The following NCOA5 variants were observed in gnomAD, a reference collection of about 807,000 sequenced individuals.
NCOA5 encodes the protein nuclear receptor coactivator 5.
NCOA5 carries 12 observed loss-of-function variants against 59.0 expected under a neutral mutation model. The observed-to-expected ratio is 0.20, with a 90% CI of 0.13 to 0.33. The LOEUF (loss-of-function observed/expected upper bound fraction) is 0.33, where lower values mean the gene tolerates loss of function less well. Among genes scored for constraint, NCOA5 ranks in the 10% least tolerant of loss-of-function variants. The pLI is 1.00. For missense variants in NCOA5, 655 were observed against 766.6 expected (o/e 0.85, Z 1.72); for synonymous variants, 270 against 275.5 (o/e 0.98, Z 0.20).
At chr20:46,086,759 C>A (rs756846104) in intron 1 of NCOA5, among the ~76,000 whole-genome samples, 3 of 152,186 alleles carry the variant, frequency 2.0e-5, no homozygotes, top group Non-Finnish European at 4.4e-5. Context: ...CCACAAGGTA[C>A]AGAGAGGAAA....
chr20:46,074,402 C>T (rs2084914590), intron 2 of NCOA5, among the ~76,000 whole-genome samples: 1 of 152,134 alleles, frequency 6.6e-6, no homozygotes. Context: ...AGGTGTTTTA[C>T]TAAAGGAACC....
At position 46,062,786 on chromosome 20, in the gene NCOA5, T is replaced by G; in HGVS notation, c.1254A>C (p.Thr418=). The G allele has an allele frequency of 6.3e-7, 1 of 1,591,862 alleles. No individual in the cohort carries two copies. Among genetic ancestry groups the G allele is most frequent in the Non-Finnish European group, 8.6e-7 (1 of 1,167,888 alleles). ...AGGTGGGGGGTGCAGATGGAGTGGG[T>G]GTAGCAGAGGGGAGCACTTGGCCGC... ...LQSGQVLPSA[T]PTPSAPPTSQ... Residue 418 remains threonine, a synonymous_variant, in exon 8 of 8, where the codon ACA becomes ACC. Transcript: ENST00000290231.
At chr20:46,083,253 G>A (rs1485820598) in intron 1 of NCOA5, among the ~76,000 whole-genome samples, 1 of 152,174 alleles carries the variant, frequency 6.6e-6, no homozygotes, top group Non-Finnish European at 1.5e-5. Flanking sequence ...CTGACGTTCT[G>A]CGAAATCAGG....
chr20:46,075,234 AC>A (rs149302422), intron 2 of NCOA5, among the ~76,000 whole-genome samples: 1,838 of 152,336 alleles, frequency 0.012, 38 homozygotes, highest in African/African-American at 0.043. Context: ...CTTAGGAAGC[AC>A]TGACAACCTT....
chr20:46,074,759 A>C (rs1304893644), intron 2 of NCOA5, among the ~76,000 whole-genome samples: 1 of 152,222 alleles, frequency 6.6e-6, no homozygotes, highest in African/African-American at 2.4e-5. Flanking sequence ...CAGAGTAAGA[A>C]CTGATAGATG....
At chr20:46,088,457 G>A (rs2085065836) in intron 1 of NCOA5, among the ~76,000 whole-genome samples, 2 of 152,190 alleles carry the variant, frequency 1.3e-5, no homozygotes, top group Admixed American at 6.5e-5. Context: ...TTTACTGGTT[G>A]CAAAAAGTAG....
chr20:46,070,108 A>G, intron 3 of NCOA5, 102 bp downstream of exon 3: 1 of 901,016 alleles, frequency 1.1e-6, no homozygotes, highest in Non-Finnish European at 1.7e-6. Flanking sequence ...CCAGAAATAA[A>G]AGGCTGATAA....
chr20:46,083,943 T>C (rs1171253891), intron 1 of NCOA5, among the ~76,000 whole-genome samples: 1 of 152,246 alleles, frequency 6.6e-6, no homozygotes, highest in Non-Finnish European at 1.5e-5. Context: ...ATCAACCCTT[T>C]AAGTTCACTT....
intron 1 of NCOA5, among the ~76,000 whole-genome samples, chr20:46,086,730 T>C (rs180860133): frequency 5.8e-4 from 88 of 152,334 alleles, no homozygotes; most frequent in Non-Finnish European, 1.1e-3. Context: ...CTTAAAGATA[T>C]GCAGTAATCA....
At chr20:46,070,153 G>T in intron 3 of NCOA5, 57 bp downstream of exon 3, 2 of 1,389,460 alleles carry the variant, frequency 1.4e-6, no homozygotes, top group Non-Finnish European at 2.0e-6. Context: ...AATTAGTTTA[G>T]CAGAACATAC....
chr20:46,073,222 A>T (rs1025641647), intron 2 of NCOA5, among the ~76,000 whole-genome samples: 1 of 152,204 alleles, frequency 6.6e-6, no homozygotes, highest in African/African-American at 2.4e-5. Context: ...TCATGATGTC[A>T]TCAGCTTGTG....
chr20:46,065,290 G>T, intron 5 of NCOA5, 62 bp from the exon 6 acceptor site: 1 of 1,541,748 alleles, frequency 6.5e-7, no homozygotes, highest in Non-Finnish European at 9.0e-7. Context: ...TGTGTCTCAA[G>T]CCAGTTGTGT....
intron 1 of NCOA5, among the ~76,000 whole-genome samples, chr20:46,089,446 G>A (rs1311533009): frequency 2.6e-5 from 4 of 152,220 alleles, no homozygotes; most frequent in Non-Finnish European, 5.9e-5. Flanking sequence ...GAGGACCCGC[G>A]GGCGAGCGAC....
At chr20:46,067,874 T>G (rs1268151045) in intron 4 of NCOA5, among the ~76,000 whole-genome samples, 1 of 152,040 alleles carries the variant, frequency 6.6e-6, no homozygotes, top group Non-Finnish European at 1.5e-5. Flanking sequence ...CATAGTTACT[T>G]GGTCAGTAGG....
In NCOA5 at chr20:46,062,538, G is replaced by C. The variant is rs755009073; in HGVS notation, c.1502C>G (p.Pro501Arg). 3 of 1,614,194 alleles carry C rather than the reference G, an allele frequency of 1.9e-6. No homozygotes were observed. Among genetic ancestry groups the C allele is most frequent in the Non-Finnish European group, 1.7e-6 (2 of 1,180,036 alleles). The change falls in exon 8 of 8, where the codon CCT (proline) becomes CGT (arginine). Residue 501 changes from proline to arginine, a missense_variant. This residue lies in a region of NCOA5 where 325 missense variants were observed against 353.2 expected (regional missense o/e 0.92). Transcript: ENST00000290231. Reference sequence around the variant, plus strand: ...AAAAAGCCCTTGGGAAGGAGCCCCAGGTCTGGGGCCCATGTTCTGAGCAGA... The same window carrying C: ...AAAAAGCCCTTGGGAAGGAGCCCCACGTCTGGGGCCCATGTTCTGAGCAGA... ...GGSAQNMGPR[P>R]GAPSQGLFGQ...
chr20:46,079,465 A>C lies in NCOA5; in HGVS notation c.-29-12T>G, dbSNP rs541339243. On this transcript the variant is annotated splice_polypyrimidine_tract_variant and intron_variant, in intron 1 of 7. Coordinates refer to ENST00000290231, the MANE Select transcript of NCOA5 (RefSeq NM_020967.3). ...TGCCTTATTAATATCTGAAAAGAAT[A>C]ATCAACCCATCTGTTCAATGCTACG... is the stretch of plus-strand genomic sequence containing the variant. 1.9e-6 allele frequency: 3 copies of C among 1,598,384 alleles called. No individual in the cohort carries two copies. The highest frequency in any genetic ancestry group is 2.6e-6 in the Non-Finnish European group (3 of 1,166,016).
intron 1 of NCOA5, among the ~76,000 whole-genome samples, chr20:46,081,096 AT>A (rs888354035): frequency 6.6e-6 from 1 of 152,108 alleles, no homozygotes; most frequent in Non-Finnish European, 1.5e-5. Flanking sequence ...ATCTTTGAGT[AT>A]TTTAAGTAGT....
intron 1 of NCOA5, among the ~76,000 whole-genome samples, chr20:46,087,940 GTTTTT>G (rs2085060774): frequency 6.7e-6 from 1 of 148,224 alleles, no homozygotes; most frequent in Non-Finnish European, 1.5e-5. Flanking sequence ...AAAGAAACAT[GTTTTT>G]AACAGGGGGA....
chr20:46,071,352 C>T (rs62215583), intron 2 of NCOA5, among the ~76,000 whole-genome samples: 32,411 of 152,062 alleles, frequency 0.21, 3,579 homozygotes, highest in South Asian at 0.29. Flanking sequence ...ATCATCTTTC[C>T]ACTTATCAAG....
Sources: gnomAD v4.1 joint callset for allele counts (sites outside exome capture counted in the v4.1 genomes callset) on GRCh38, gnomAD v4.1.1 for gene constraint, gnomAD v4.1.1 regional missense constraint, MANE v1.5 for transcripts, NCBI Gene and HGNC (gene_info 2026-07-23, HGNC 2026-07-21) for gene names.